ZBTB40: variants seen among roughly 807,000 people sequenced by gnomAD.
ZBTB40 encodes zinc finger and BTB domain containing 40, also known as zinc finger and BTB domain-containing protein 40.
In ZBTB40, 60 loss-of-function variants were observed where a neutral mutation model predicts 117.5. The ratio of observed to expected loss-of-function variants is 0.51; its 90% CI spans 0.41 to 0.63. The LOEUF is 0.63. Ranked by LOEUF, ZBTB40 falls within the 30% of genes least tolerant of loss-of-function variation. The probability of loss-of-function intolerance (pLI) is 0.00; values close to 1 mark genes in which losing one functional copy is unlikely to be tolerated. For synonymous variants in ZBTB40, 525 were observed against 577.1 expected (o/e 0.91, Z 1.29); for missense variants, 1,287 against 1,498.5 (o/e 0.86, Z 2.33).
At chr1:22,453,361 G>C (rs1422907259) in intron 1 of ZBTB40, among the ~76,000 whole-genome samples, 2 of 152,194 alleles carry the variant, frequency 1.3e-5, no homozygotes, top group Non-Finnish European at 2.9e-5. Context: ...TAATCATTTA[G>C]TGTTTGTTGA....
intron 6 of ZBTB40, among the ~76,000 whole-genome samples, chr1:22,507,258 C>A (rs115651788): frequency 0.031 from 4,731 of 152,236 alleles, 244 homozygotes; most frequent in African/African-American, 0.099. Flanking sequence ...CTATCACATT[C>A]GTTTTTGTGT....
chr1:22,474,056 C>T (rs565138083), intron 1 of ZBTB40, among the ~76,000 whole-genome samples: 1 of 152,278 alleles, frequency 6.6e-6, no homozygotes, highest in South Asian at 2.1e-4. Flanking sequence ...TAGACAGCCT[C>T]CCAAATCCCC....
intron 7 of ZBTB40, among the ~76,000 whole-genome samples, 163 bp downstream of exon 7, chr1:22,508,300 G>C (rs1639129438): frequency 6.6e-6 from 1 of 152,168 alleles, no homozygotes; most frequent in South Asian, 2.1e-4. Flanking sequence ...TTCTAAGGTG[G>C]AATAACAAAT....
At chr1:22,514,488 C>T (rs891388557) in intron 12 of ZBTB40, among the ~76,000 whole-genome samples, 6 of 152,162 alleles carry the variant, frequency 3.9e-5, no homozygotes, top group Admixed American at 2.0e-4. Context: ...AGCTTTCTGG[C>T]CAGGCCTCAG....
intron 1 of ZBTB40, among the ~76,000 whole-genome samples, chr1:22,436,048 T>C (rs937513800): frequency 2.0e-5 from 3 of 151,642 alleles, no homozygotes; most frequent in Admixed American, 2.0e-4. Flanking sequence ...CTCTTGCATA[T>C]TGATGATGGA....
intron 13 of ZBTB40, among the ~76,000 whole-genome samples, chr1:22,518,855 C>T (rs1639444880): frequency 1.3e-5 from 2 of 152,182 alleles, no homozygotes; most frequent in Admixed American, 6.5e-5. Context: ...TGACATTCTG[C>T]TTTAGTCTTC....
chr1:22,484,160 A>G (rs1403826125), intron 1 of ZBTB40, among the ~76,000 whole-genome samples: 1 of 152,228 alleles, frequency 6.6e-6, no homozygotes, highest in Non-Finnish European at 1.5e-5. Flanking sequence ...TAGCTTTAAA[A>G]TAGTAAATGT....
upstream of ZBTB40, among the ~76,000 whole-genome samples, chr1:22,448,592 T>C (rs945241878): frequency 2.6e-5 from 4 of 152,182 alleles, no homozygotes; most frequent in African/African-American, 9.7e-5. Context: ...CTCTACTATT[T>C]AGTAGCTGTG....
At chr1:22,459,694 G>A (rs560788425) in intron 1 of ZBTB40, among the ~76,000 whole-genome samples, 4 of 151,806 alleles carry the variant, frequency 2.6e-5, no homozygotes, top group Admixed American at 1.3e-4. Context: ...GTTTATTCTG[G>A]CATATGAACT....
At chr1:22,471,914 G>A (rs868471007) in intron 1 of ZBTB40, among the ~76,000 whole-genome samples, 8 of 152,218 alleles carry the variant, frequency 5.3e-5, no homozygotes, top group Non-Finnish European at 1.0e-4. Flanking sequence ...GCTGTGGGAA[G>A]CAGCCTTTGT....
intron 1 of ZBTB40, among the ~76,000 whole-genome samples, chr1:22,429,075 A>T (rs1249437375): frequency 1.3e-5 from 2 of 152,124 alleles, no homozygotes; most frequent in Non-Finnish European, 2.9e-5. Flanking sequence ...TCAAATCCAG[A>T]TATTTTCTTC....
intron 1 of ZBTB40, among the ~76,000 whole-genome samples, chr1:22,458,714 A>T (rs560052637): frequency 1.3e-5 from 2 of 152,226 alleles, no homozygotes; most frequent in South Asian, 2.1e-4. Context: ...ATACTTTTTT[A>T]AAAAATTAAT....
At chr1:22,485,812 C>T (rs1055649434) in intron 1 of ZBTB40, among the ~76,000 whole-genome samples, 18 of 152,156 alleles carry the variant, frequency 1.2e-4, no homozygotes, top group African/African-American at 1.9e-4. Context: ...TTTCCTCAGT[C>T]GTGTCCAGTC....
intron 16 of ZBTB40, among the ~76,000 whole-genome samples, chr1:22,523,107 C>T (rs1639584821): frequency 6.6e-6 from 1 of 151,816 alleles, no homozygotes; most frequent in South Asian, 2.1e-4. Context: ...ACCACCACAC[C>T]CGACTAATTT....
rs551313784 is a variant in ZBTB40, at chr1:22,528,955, C to T, written c.*2559C>T. On this transcript the variant is annotated 3_prime_UTR_variant, in exon 18 of 18. Coordinates refer to ENST00000375647, the MANE Select transcript of ZBTB40 (RefSeq NM_014870.4). The stretch of plus-strand genomic sequence containing the variant: ...CGGGGCCCATCAGATGCCCTCTGGC[C>T]CATGGCACACTCAGCAGAAGGCACA... 114 of 152,364 alleles carry T rather than the reference C, an allele frequency of 7.5e-4. No homozygotes were observed. Among genetic ancestry groups the T allele is most frequent in the African/African-American group, 2.6e-3 (110 of 41,518 alleles). The allele number at this position is 152,364 out of a possible 1,614,324, so 9.4% of individuals were successfully genotyped here. A position where few individuals can be genotyped will look rare whatever the true frequency, so the allele number is the denominator to read the frequency against.
chr1:22,462,609 T>TA (rs752517512), intron 1 of ZBTB40, among the ~76,000 whole-genome samples: 2 of 152,240 alleles, frequency 1.3e-5, no homozygotes, highest in East Asian at 3.8e-4. Flanking sequence ...TGGAAGATCT[T>TA]AAAACACTTT....
chr1:22,453,429 CAA>C (rs1640930484), intron 1 of ZBTB40, among the ~76,000 whole-genome samples: 1 of 152,146 alleles, frequency 6.6e-6, no homozygotes. Flanking sequence ...GTGAACAAGA[CAA>C]ATATGATTTC....
chr1:22,507,682 A>G (rs1216435394), intron 6 of ZBTB40, among the ~76,000 whole-genome samples: 3 of 151,422 alleles, frequency 2.0e-5, no homozygotes, highest in Non-Finnish European at 2.9e-5. Context: ...CTTGACAAAC[A>G]CCCCCCCTTG....
intron 1 of ZBTB40, chr1:22,452,601 C>G (rs1360756209): frequency 6.6e-6 from 1 of 152,320 alleles, no homozygotes; most frequent in East Asian, 1.9e-4. Context: ...GCAGCCGTTG[C>G]TTGGCTTTGA....
Sources: gnomAD v4.1 joint callset for allele counts (sites outside exome capture counted in the v4.1 genomes callset) on GRCh38, gnomAD v4.1.1 for gene constraint, MANE v1.5 for transcripts, NCBI Gene and HGNC (gene_info 2026-07-23, HGNC 2026-07-21) for gene names.